Variants in PI4K2B observed in about 807,000 individuals in gnomAD.
PI4K2B encodes phosphatidylinositol 4-kinase type 2-beta.
Under a neutral mutation model 56.6 loss-of-function variants are expected in PI4K2B, and 46 were observed. That is an observed-to-expected ratio of 0.81 (90% confidence interval 0.64 to 1.04). PI4K2B has a LOEUF of 1.04. PI4K2B is among the 50% of genes least tolerant of loss of function. PI4K2B has a pLI of 0.00. For synonymous variants in PI4K2B, 211 were observed against 223.8 expected (o/e 0.94, Z 0.51); for missense variants, 556 against 607.7 (o/e 0.91, Z 0.89).
intron 4 of PI4K2B, 42 bp from the exon 5 acceptor site, chr4:25,258,995 T>C: frequency 2.9e-6 from 3 of 1,036,856 alleles, no homozygotes; most frequent in Non-Finnish European, 4.3e-6. Flanking sequence ...AATCCCCTTG[T>C]TCTTGTACTT....
Position 25,268,497 on chromosome 4 carries a change from T to C in PI4K2B, c.1133T>C (p.Ile378Thr). 6.2e-7 allele frequency: 1 copy of C among 1,602,388 alleles called. No individual in the cohort carries two copies. ...GCAAAAGTTCCCTTTTCTGAAGAAATAAGAAATTTGATTCTACCATATATT... is the reference window on the plus strand; with the variant it reads ...GCAAAAGTTCCCTTTTCTGAAGAAACAAGAAATTTGATTCTACCATATATT... ...PQAKVPFSEE[I>T]RNLILPYISD... Residue 378 changes from isoleucine to threonine, a missense_variant, in exon 8 of 10, where the codon ATA becomes ACA. By Grantham distance (89) the Ile-to-Thr change is moderately conservative. Coordinates refer to ENST00000264864, the MANE Select transcript of PI4K2B (RefSeq NM_018323.4).
intron 6 of PI4K2B, among the ~76,000 whole-genome samples, chr4:25,260,848 C>T (rs983803066): frequency 8.5e-5 from 12 of 140,452 alleles, no homozygotes; most frequent in African/African-American, 1.3e-4. Flanking sequence ...CACTTGTTTA[C>T]GTTGCATTTC....
At chr4:25,239,354 G>A (rs967888703) in intron 1 of PI4K2B, among the ~76,000 whole-genome samples, 5 of 152,212 alleles carry the variant, frequency 3.3e-5, no homozygotes, top group African/African-American at 1.2e-4. Flanking sequence ...GGAGGCTCAG[G>A]CATGGCCGGC....
intron 9 of PI4K2B, among the ~76,000 whole-genome samples, chr4:25,270,895 C>T (rs1258659094): frequency 1.3e-5 from 2 of 152,218 alleles, no homozygotes; most frequent in Admixed American, 6.5e-5. Context: ...CTGTTTGCCA[C>T]AATACCTGTA....
At chr4:25,240,163 A>G (rs1457509062) in intron 1 of PI4K2B, among the ~76,000 whole-genome samples, 1 of 152,226 alleles carries the variant, frequency 6.6e-6, no homozygotes, top group Non-Finnish European at 1.5e-5. Context: ...GGTTGGTATA[A>G]GAGTTTGAAA....
intron 1 of PI4K2B, among the ~76,000 whole-genome samples, chr4:25,240,033 C>T (rs907312331): frequency 1.1e-4 from 16 of 152,054 alleles, no homozygotes; most frequent in African/African-American, 2.7e-4. Context: ...TTGATGGCCT[C>T]GATGCTAGAG....
chr4:25,253,778 A>G (rs1433196085), intron 2 of PI4K2B, among the ~76,000 whole-genome samples: 1 of 152,134 alleles, frequency 6.6e-6, no homozygotes, highest in African/African-American at 2.4e-5. Flanking sequence ...GAATTTAATC[A>G]ATTTATTTGT....
intron 3 of PI4K2B, 95 bp downstream of exon 3, chr4:25,255,360 G>A (rs1297360675): frequency 9.2e-7 from 1 of 1,084,102 alleles, no homozygotes; most frequent in Non-Finnish European, 1.4e-6. Flanking sequence ...AGAACCTAAA[G>A]TGGAGCCCCT....
At chr4:25,234,506 C>G (rs1715158168) in intron 1 of PI4K2B, 75 bp downstream of exon 1, 5 of 1,083,020 alleles carry the variant, frequency 4.6e-6, no homozygotes, top group Non-Finnish European at 5.9e-6. Flanking sequence ...GTCCTGTCTC[C>G]CGCGCGCGCT....
chr4:25,234,472 C>T (rs1043032924), intron 1 of PI4K2B, 41 bp downstream of exon 1: 5 of 1,233,544 alleles, frequency 4.1e-6, no homozygotes, highest in African/African-American at 3.1e-5. Flanking sequence ...CCCCTCCGGG[C>T]GGCTGCCCCT....
intron 9 of PI4K2B, among the ~76,000 whole-genome samples, chr4:25,275,219 T>C (rs1204637386): frequency 6.6e-6 from 1 of 152,260 alleles, no homozygotes; most frequent in South Asian, 2.1e-4. Flanking sequence ...AATAGAATTC[T>C]TAAAACCCAA....
At chr4:25,251,547 G>T (rs758861871) in intron 1 of PI4K2B, among the ~76,000 whole-genome samples, 7 of 152,204 alleles carry the variant, frequency 4.6e-5, no homozygotes, top group Non-Finnish European at 8.8e-5. Context: ...CCAGTGACGT[G>T]GGGGAGCAGT....
At chr4:25,246,680 G>T (rs1263240909) in intron 1 of PI4K2B, among the ~76,000 whole-genome samples, 1 of 152,224 alleles carries the variant, frequency 6.6e-6, no homozygotes, top group Non-Finnish European at 1.5e-5. Flanking sequence ...AGAGGGTGGT[G>T]CTTGTTGGGG....
At position 25,268,444 on chromosome 4, in the gene PI4K2B, T is replaced by A; in HGVS notation, c.1080T>A (p.Tyr360Ter). The A allele has an allele frequency of 6.2e-7, 1 of 1,603,284 alleles. No individual in the cohort carries two copies. The change falls in exon 8 of 10, where the codon TAT (tyrosine) becomes TAA (stop). Residue 360 changes from tyrosine (Y) to a stop codon, truncating the protein, a stop_gained and splice_region_variant. Coordinates refer to ENST00000264864, the MANE Select transcript of PI4K2B (RefSeq NM_018323.4). LOFTEE classifies it high-confidence loss of function. ...TAGGAGAATGCTTTTTTCTATTAGA[T>A]CCATTTCACTGGGCTTGGCTTCCTC... ...PFKHPDEWRA[Y>*]PFHWAWLPQA...
At chr4:25,254,563 T>G (rs1310828860) in intron 2 of PI4K2B, 4 of 152,030 alleles carry the variant, frequency 2.6e-5, no homozygotes, top group African/African-American at 9.7e-5. Flanking sequence ...ACAGGTGCCC[T>G]CCACCACGCC....
chr4:25,257,036 G>A (rs1419534114), intron 4 of PI4K2B, among the ~76,000 whole-genome samples: 4 of 148,902 alleles, frequency 2.7e-5, no homozygotes, highest in East Asian at 4.1e-4. Context: ...AACTTACCTC[G>A]GGTAAGTTCT....
intron 7 of PI4K2B, among the ~76,000 whole-genome samples, chr4:25,265,320 T>A (rs494083): frequency 6.6e-6 from 1 of 151,692 alleles, no homozygotes; most frequent in South Asian, 2.1e-4. Flanking sequence ...TAAGCATCGG[T>A]CCTTCTATTT....
At chr4:25,253,028 C>T (rs954297426) in intron 2 of PI4K2B, among the ~76,000 whole-genome samples, 10 of 152,310 alleles carry the variant, frequency 6.6e-5, no homozygotes, top group Middle Eastern at 6.8e-3. Context: ...ATTGAATACC[C>T]ACATTCAGCT....
At chr4:25,267,242 G>T (rs1025173362) in intron 7 of PI4K2B, among the ~76,000 whole-genome samples, 2 of 152,252 alleles carry the variant, frequency 1.3e-5, no homozygotes, top group African/African-American at 2.4e-5. Flanking sequence ...GGGATTAAAT[G>T]TAGAGGCAGA....
Sources: gnomAD v4.1 joint callset for allele counts (sites outside exome capture counted in the v4.1 genomes callset) on GRCh38, gnomAD v4.1.1 for gene constraint, MANE v1.5 for transcripts, NCBI Gene and HGNC (gene_info 2026-07-23, HGNC 2026-07-21) for gene names.